Variants in ESRRB observed in about 807,000 individuals in gnomAD.
ESRRB encodes the protein estrogen related receptor beta.
In ESRRB, 16 loss-of-function variants were observed where a neutral mutation model predicts 46.0. The ratio of observed to expected loss-of-function variants is 0.35; its 90% CI spans 0.24 to 0.53. The LOEUF (loss-of-function observed/expected upper bound fraction) is 0.53, where lower values mean the gene tolerates loss of function less well. Among genes scored for constraint, ESRRB ranks in the 20% least tolerant of loss-of-function variants. ESRRB has a pLI of 0.93. For synonymous variants in ESRRB, 246 were observed against 259.6 expected (o/e 0.95, Z 0.50); for missense variants, 488 against 607.4 (o/e 0.80, Z 2.07).
chr14:76,315,306 A>G (rs1286199955), intron 1 of ESRRB, among the ~76,000 whole-genome samples: 1 of 151,792 alleles, frequency 6.6e-6, no homozygotes, highest in East Asian at 1.9e-4. Context: ...TTAGGCCAGG[A>G]GCTCCACCGA....
rs1045583522 is a variant in ESRRB, at chr14:76,376,787, G to A, written c.50+336G>A. Among the ~76,000 whole-genome samples the A allele has an allele frequency of 6.6e-6, 1 of 152,216 alleles. No homozygotes were observed. On this transcript the variant is annotated intron_variant, in intron 1 of 6. Coordinates refer to ENST00000644823, the MANE Select transcript of ESRRB (RefSeq NM_001379180.1). This position sits in a 1 kb window ranked among gnomAD's most constrained non-coding sequence, Gnocchi z 4.1. ...TTTTGTGGAATGGAGCAAGAAGGGA[G>A]GCAGAAGCCCAGAACAGGTGCAGGG...
chr14:76,418,196 C>G (rs553474892), intron 1 of ESRRB, among the ~76,000 whole-genome samples: 23 of 152,180 alleles, frequency 1.5e-4, no homozygotes, highest in African/African-American at 4.3e-4. Flanking sequence ...CTCAGGTGAT[C>G]CACCCACCTC....
chr14:76,499,821 C>T lies in ESRRB; in HGVS notation c.*1363C>T, dbSNP rs1327671539. 1.9e-6 allele frequency: 3 copies of T among 1,560,342 alleles called. No homozygotes were observed. The highest frequency in any genetic ancestry group is 4.5e-5 in the East Asian group (2 of 44,610). ...CTGTGGATGGCCGTGAAAGTTTTCACTAACTCAAGGGGCAGCCCTGAACAC... is the reference window on the plus strand; with the variant it reads ...CTGTGGATGGCCGTGAAAGTTTTCATTAACTCAAGGGGCAGCCCTGAACAC... On this transcript the variant is annotated 3_prime_UTR_variant, in exon 7 of 7. Transcript: ENST00000644823.
chr14:76,389,858 C>T (rs1325393040), intron 1 of ESRRB, among the ~76,000 whole-genome samples: 2 of 152,192 alleles, frequency 1.3e-5, no homozygotes, highest in Non-Finnish European at 2.9e-5. Context: ...TATCTTAGTA[C>T]ATTTCACTTT....
chr14:76,347,429 GTGTGTC>G (rs1884264548), intron 1 of ESRRB, among the ~76,000 whole-genome samples: 3 of 55,872 alleles, frequency 5.4e-5, no homozygotes, highest in African/African-American at 1.4e-4. Context: ...GTGTGTGTGT[GTGTGTC>G]ACACACACAC....
intron 1 of ESRRB, among the ~76,000 whole-genome samples, chr14:76,418,115 G>A (rs1007105644): frequency 3.3e-5 from 5 of 151,692 alleles, no homozygotes; most frequent in East Asian, 1.9e-4. Context: ...GCCACCATGC[G>A]TGGCTAATTT....
chr14:76,426,671 T>C (rs1230670741), intron 1 of ESRRB, among the ~76,000 whole-genome samples: 1 of 152,128 alleles, frequency 6.6e-6, no homozygotes, highest in African/African-American at 2.4e-5. Flanking sequence ...CAGGGACCCA[T>C]TCACCTTGCT....
chr14:76,476,600 C>T (rs773681365), intron 3 of ESRRB, among the ~76,000 whole-genome samples: 3 of 152,232 alleles, frequency 2.0e-5, no homozygotes, highest in Admixed American at 6.5e-5. Flanking sequence ...GTGAAAATTG[C>T]TTTCTGCTGC....
chr14:76,463,615 T>G (rs1888983864), intron 3 of ESRRB, among the ~76,000 whole-genome samples: 1 of 151,510 alleles, frequency 6.6e-6, no homozygotes, highest in East Asian at 1.9e-4. Flanking sequence ...CCCGGCTAAT[T>G]TTTTTGTATT....
At chr14:76,328,934 C>A (rs1883970150) in intron 1 of ESRRB, among the ~76,000 whole-genome samples, 1 of 152,130 alleles carries the variant, frequency 6.6e-6, no homozygotes, top group African/African-American at 2.4e-5. Flanking sequence ...TGTGTTTGAT[C>A]TCTGGTGCAC....
intron 1 of ESRRB, among the ~76,000 whole-genome samples, chr14:76,313,245 A>G (rs112063045): frequency 3.3e-5 from 5 of 152,152 alleles, no homozygotes; most frequent in African/African-American, 9.6e-5. Flanking sequence ...TTTGCATGAG[A>G]CAGCCTCTGA....
chr14:76,491,727 C>T lies in ESRRB; in HGVS notation c.1120+11C>T, dbSNP rs116803435. 2.3e-4 allele frequency: 362 copies of T among 1,566,922 alleles called. 1 individual carries two copies. In the African/African-American group the frequency reaches 4.2e-3, roughly 18 times the overall value. On this transcript the variant is annotated intron_variant, in intron 6 of 6. Transcript: ENST00000644823. ...CCCTCGCCAACTCCGGTAAGGGCGG[C>T]GGCGGGGCCTGGAAGGGGAGCTTCT...
At chr14:76,331,923 A>T (rs1275354916) in intron 1 of ESRRB, among the ~76,000 whole-genome samples, 1 of 151,914 alleles carries the variant, frequency 6.6e-6, no homozygotes, top group Non-Finnish European at 1.5e-5. Flanking sequence ...CCCAGCGCCC[A>T]GTCATCTCAA....
chr14:76,323,950 TG>T (rs978044177), intron 1 of ESRRB, among the ~76,000 whole-genome samples: 4 of 150,718 alleles, frequency 2.7e-5, no homozygotes, highest in African/African-American at 1.0e-4. Context: ...TATCTCTGCC[TG>T]GTGATGTTTG....
intron 1 of ESRRB, among the ~76,000 whole-genome samples, chr14:76,424,486 G>A (rs906064741): frequency 5.3e-5 from 8 of 152,216 alleles, no homozygotes; most frequent in South Asian, 2.1e-4. Flanking sequence ...GTGGATAGAA[G>A]TGTCGTCCCC....
chr14:76,476,299 T>C (rs562532137), intron 3 of ESRRB, among the ~76,000 whole-genome samples: 2 of 152,354 alleles, frequency 1.3e-5, no homozygotes, highest in African/African-American at 4.8e-5. Flanking sequence ...TCTGTATTTA[T>C]TGCAGTATTT....
intron 1 of ESRRB, among the ~76,000 whole-genome samples, chr14:76,339,233 G>T (rs182290409): frequency 6.6e-6 from 1 of 152,130 alleles, no homozygotes; most frequent in Non-Finnish European, 1.5e-5. Flanking sequence ...AATCAGCATC[G>T]ACTCCACTTG....
At chr14:76,446,371 T>A (rs1433610610) in intron 2 of ESRRB, among the ~76,000 whole-genome samples, 260 of 65,818 alleles carry the variant, frequency 4.0e-3, no homozygotes, top group African/African-American at 0.022. Flanking sequence ...TGTTGTTCGT[T>A]TTTTTTTTTT....
intron 5 of ESRRB, among the ~76,000 whole-genome samples, chr14:76,486,385 GCCC>G (rs769389901): frequency 1.3e-5 from 2 of 152,144 alleles, no homozygotes; most frequent in Non-Finnish European, 2.9e-5. Context: ...CTCCCAGGTA[GCCC>G]CCATCTGACT....
Sources: gnomAD v4.1 joint callset for allele counts (sites outside exome capture counted in the v4.1 genomes callset) on GRCh38, gnomAD v4.1.1 for gene constraint, Gnocchi (gnomAD v3.1) non-coding constraint, MANE v1.5 for transcripts, NCBI Gene and HGNC (gene_info 2026-07-23, HGNC 2026-07-21) for gene names.